KCND2: variants seen among roughly 807,000 people sequenced by gnomAD.
The protein encoded by KCND2 is potassium voltage-gated channel subfamily D member 2.
Under a neutral mutation model 54.4 loss-of-function variants are expected in KCND2, and 16 were observed. That is an observed-to-expected ratio of 0.29 (90% CI 0.20 to 0.45). KCND2 has a LOEUF of 0.45. Ranked by LOEUF, KCND2 falls within the 20% of genes least tolerant of loss-of-function variation. The pLI, the probability that KCND2 is intolerant of heterozygous loss-of-function variation, is 1.00. For synonymous variants in KCND2, 317 were observed against 310.7 expected (o/e 1.02, Z -0.21); for missense variants, 486 against 824.2 (o/e 0.59, Z 5.02).
intron 1 of KCND2, among the ~76,000 whole-genome samples, chr7:120,576,701 C>G (rs1449607474): frequency 6.6e-6 from 1 of 152,090 alleles, no homozygotes; most frequent in African/African-American, 2.4e-5. Context: ...ACTGTATCCT[C>G]TATCCTTAGG....
intron 1 of KCND2, among the ~76,000 whole-genome samples, chr7:120,309,873 C>G (rs1402386315): frequency 6.6e-6 from 1 of 152,132 alleles, no homozygotes; most frequent in African/African-American, 2.4e-5. Context: ...AAACCAGTCA[C>G]AGGGAATTTC....
At chr7:120,676,395 T>C (rs1170107280) in intron 1 of KCND2, among the ~76,000 whole-genome samples, 2 of 152,162 alleles carry the variant, frequency 1.3e-5, no homozygotes, top group Non-Finnish European at 2.9e-5. Context: ...CATCACTCAG[T>C]CCCACCATAC....
At chr7:120,384,759 A>G (rs1329845338) in intron 1 of KCND2, among the ~76,000 whole-genome samples, 1 of 152,170 alleles carries the variant, frequency 6.6e-6, no homozygotes, top group Non-Finnish European at 1.5e-5. Flanking sequence ...ACTAGCTCAT[A>G]TGACTGCCAT....
At chr7:120,566,903 ACT>A (rs1584831419) in intron 1 of KCND2, among the ~76,000 whole-genome samples, 1 of 151,998 alleles carries the variant, frequency 6.6e-6, no homozygotes, top group African/African-American at 2.4e-5. Context: ...TATACCTAAA[ACT>A]CTCACAATGG....
chr7:120,519,455 A>G (rs187618351), intron 1 of KCND2, among the ~76,000 whole-genome samples: 1 of 152,258 alleles, frequency 6.6e-6, no homozygotes, highest in East Asian at 1.9e-4. Context: ...AGTGAACTAA[A>G]TTCTGCCCAC....
chr7:120,319,627 C>T (rs1418816856), intron 1 of KCND2, among the ~76,000 whole-genome samples: 2 of 152,080 alleles, frequency 1.3e-5, no homozygotes, highest in East Asian at 3.9e-4. Flanking sequence ...TTTACCTCTT[C>T]TTCATTTAAG....
At chr7:120,442,952 C>G (rs756092322) in intron 1 of KCND2, among the ~76,000 whole-genome samples, 3 of 152,084 alleles carry the variant, frequency 2.0e-5, no homozygotes, top group African/African-American at 7.2e-5. Context: ...CACTTTACTT[C>G]GTTCTAGGAG....
intron 1 of KCND2, among the ~76,000 whole-genome samples, chr7:120,510,035 A>G (rs774603075): frequency 6.6e-6 from 1 of 152,076 alleles, no homozygotes; most frequent in Non-Finnish European, 1.5e-5. Context: ...CTTGTGCTTC[A>G]GTATTTTAAG....
intron 1 of KCND2, among the ~76,000 whole-genome samples, chr7:120,306,539 A>G (rs1799653191): frequency 6.6e-6 from 1 of 152,096 alleles, no homozygotes; most frequent in Admixed American, 6.6e-5. Flanking sequence ...AAATAGTTTA[A>G]TATAAATAAT....
At chr7:120,513,713 T>G (rs1803154996) in intron 1 of KCND2, among the ~76,000 whole-genome samples, 1 of 152,148 alleles carries the variant, frequency 6.6e-6, no homozygotes, top group Non-Finnish European at 1.5e-5. Context: ...TTTTTTTTAC[T>G]TTTCTAATTG....
At chr7:120,587,806 C>A (rs879338254) in intron 1 of KCND2, among the ~76,000 whole-genome samples, 2 of 151,984 alleles carry the variant, frequency 1.3e-5, no homozygotes, top group Non-Finnish European at 2.9e-5. Context: ...TGCATTTATT[C>A]TTTTTGCTTT....
chr7:120,534,969 A>G (rs1346806569), intron 1 of KCND2, among the ~76,000 whole-genome samples: 1 of 152,142 alleles, frequency 6.6e-6, no homozygotes, highest in African/African-American at 2.4e-5. Context: ...TCATCCTATC[A>G]CTCCAGCAAA....
intron 1 of KCND2, among the ~76,000 whole-genome samples, chr7:120,501,007 C>T (rs1802923530): frequency 6.6e-6 from 1 of 151,790 alleles, no homozygotes; most frequent in South Asian, 2.1e-4. Context: ...AATACAATGT[C>T]TACTCTAACA....
At chr7:120,738,953 G>A (rs1033740546) in intron 2 of KCND2, among the ~76,000 whole-genome samples, 1 of 151,994 alleles carries the variant, frequency 6.6e-6, no homozygotes, top group Non-Finnish European at 1.5e-5. Flanking sequence ...TCGGGTCAAA[G>A]AAAAGCCATG....
intron 1 of KCND2, among the ~76,000 whole-genome samples, chr7:120,654,302 G>A (rs1791774199): frequency 6.6e-6 from 1 of 152,136 alleles, no homozygotes; most frequent in East Asian, 1.9e-4. Context: ...GTATTCAACT[G>A]GAGAGACATA....
chr7:120,437,673 C>T (rs1381638604), intron 1 of KCND2, among the ~76,000 whole-genome samples: 8 of 152,138 alleles, frequency 5.3e-5, no homozygotes, highest in Non-Finnish European at 1.0e-4. Context: ...TGTATTTATA[C>T]ATATGATACT....
intron 1 of KCND2, among the ~76,000 whole-genome samples, chr7:120,525,947 A>G (rs1562863935): frequency 6.6e-6 from 1 of 152,034 alleles, no homozygotes; most frequent in African/African-American, 2.4e-5. Context: ...AGTACTGTGG[A>G]TTCTGGCCAA....
chr7:120,510,409 C>T (rs1398932744), intron 1 of KCND2, among the ~76,000 whole-genome samples: 9 of 152,180 alleles, frequency 5.9e-5, no homozygotes, highest in South Asian at 2.1e-4. Context: ...AAATTCATGT[C>T]GCACTTTGCC....
chr7:120,474,538 A>G (rs1263491555), intron 1 of KCND2, among the ~76,000 whole-genome samples: 1 of 141,712 alleles, frequency 7.1e-6, no homozygotes, highest in East Asian at 2.0e-4. Flanking sequence ...TTTTTTTGGC[A>G]TTTTTGGTAG....
Sources: allele counts gnomAD v4.1 joint callset (sites outside exome capture counted in the v4.1 genomes callset), GRCh38; gene constraint gnomAD v4.1.1; transcripts MANE v1.5; gene names NCBI Gene and HGNC (gene_info 2026-07-23, HGNC 2026-07-21).